The following OPN3 variants were observed in gnomAD, a reference collection of about 807,000 sequenced individuals.
OPN3 encodes opsin 3.
In OPN3, 29 loss-of-function variants were observed where a neutral mutation model predicts 33.8. That is an observed-to-expected ratio of 0.86 (90% CI 0.64 to 1.17). The LOEUF is 1.17. Ranked by LOEUF, OPN3 falls within the 50% of genes most tolerant of loss-of-function variation. OPN3 has a pLI of 0.00. For missense variants in OPN3, 437 were observed against 514.1 expected (o/e 0.85, Z 1.45); for synonymous variants, 216 against 216.1 (o/e 1.00, Z 0.00).
In OPN3 at chr1:241,640,097, A is replaced by G; in HGVS notation, c.158T>C (p.Leu53Pro). 6.2e-7 allele frequency: 1 copy of G among 1,607,486 alleles called. No individual in the cohort carries two copies. The highest frequency in any genetic ancestry group is 8.5e-7 in the Non-Finnish European group (1 of 1,177,466). ...CAGCAGGTTGTTGCCGACGCCCAGC[A>G]GCCCAATGGAGCCCAGCAGCAGCGC... ...RLALLLGSIGLLGVGNNLLVL... is the reference protein window; with the variant it reads ...RLALLLGSIGPLGVGNNLLVL... Residue 53 changes from leucine (L) to proline (P), a missense_variant, in exon 1 of 4, where the codon CTG (leucine) becomes CCG (proline). By Grantham distance (98) the Leu-to-Pro change is moderately conservative. Transcript: ENST00000366554.
chr1:241,606,794 G>A (rs540524009), intron 1 of OPN3, among the ~76,000 whole-genome samples: 14 of 152,198 alleles, frequency 9.2e-5, no homozygotes, highest in African/African-American at 3.4e-4. Context: ...AAATAAGACT[G>A]GTCTCCTGAG....
At chr1:241,628,877 C>A (rs1558445294) in intron 1 of OPN3, 1 of 152,516 alleles carries the variant, frequency 6.6e-6, no homozygotes, top group East Asian at 1.9e-4. Context: ...ACCAATTAAT[C>A]TTTTATTTTT....
At chr1:241,633,830 T>A (rs781765555) in intron 1 of OPN3, 7 of 1,613,782 alleles carry the variant, frequency 4.3e-6, no homozygotes, top group African/African-American at 1.3e-5. Flanking sequence ...GCTTTCTAGG[T>A]TTTTGCTTTC....
intron 1 of OPN3, among the ~76,000 whole-genome samples, chr1:241,609,872 T>C (rs972562528): frequency 2.6e-5 from 4 of 152,190 alleles, no homozygotes; most frequent in Non-Finnish European, 5.9e-5. Context: ...CTACAGGGGA[T>C]GGCGCAAAGC....
chr1:241,635,452 G>A, intron 1 of OPN3: 1 of 1,613,804 alleles, frequency 6.2e-7, no homozygotes, highest in Middle Eastern at 1.6e-4. Flanking sequence ...TATCCTGACT[G>A]GCGTAGCAAA....
In OPN3 at chr1:241,635,139, C is replaced by T. The variant is rs780533014; in HGVS notation, c.373+4743G>A. 100 of 1,612,704 alleles carry T rather than the reference C, an allele frequency of 6.2e-5. 1 individual carries two copies. The South Asian group carries it at 9.8e-4, about 16-fold the overall frequency. On this transcript the variant is annotated intron_variant, in intron 1 of 3. Transcript: ENST00000366554. Reference sequence around the variant, plus strand: ...GTAATCCTATTTCTAATTGGTTCATCGGCCTTATCTTCTACTGTAGATTTG... The same window carrying T: ...GTAATCCTATTTCTAATTGGTTCATTGGCCTTATCTTCTACTGTAGATTTG...
chr1:241,594,545 C>A lies in OPN3; in HGVS notation c.1092G>T (p.Val364=). The change falls in exon 4 of 4, where the codon GTG becomes GTT. Residue 364 remains valine, a synonymous_variant. Coordinates refer to ENST00000366554, the MANE Select transcript of OPN3 (RefSeq NM_014322.3). Reference sequence around the variant, plus strand: ...AAATGATGGAAGAAGAGTTGAAAGTCACTTTTTTCTTTGGCCTGTCCCCAT... The same window carrying A: ...AAATGATGGAAGAAGAGTTGAAAGTAACTTTTTTCTTTGGCCTGTCCCCAT... ...QKDGDRPKKK[V]TFNSSSIIFI... 2 of 1,614,108 alleles carry A rather than the reference C, an allele frequency of 1.2e-6. No homozygotes were observed. Among genetic ancestry groups the A allele is most frequent in the Non-Finnish European group, 1.7e-6 (2 of 1,179,990 alleles).
rs766116331 is a variant in OPN3, at chr1:241,604,543, T to C, written c.410A>G (p.Tyr137Cys). The part of the protein sequence containing the change: ...VSIATLTVLA[Y>C]ERYIRVVHAR... ...ATGGACCACGCGAATGTAACGTTCATAGGCCAGCACGGTTAGGGTGGCAAT... is the reference window on the plus strand; with the variant it reads ...ATGGACCACGCGAATGTAACGTTCACAGGCCAGCACGGTTAGGGTGGCAAT... Residue 137 changes from tyrosine (Y) to cysteine (C), a missense_variant, in exon 2 of 4, where the codon TAT becomes TGT. Transcript: ENST00000366554. 6 of 1,613,906 alleles carry C rather than the reference T, an allele frequency of 3.7e-6. No homozygotes were observed. Among genetic ancestry groups the C allele is most frequent in the South Asian group, 2.2e-5 (2 of 91,072 alleles).
intron 1 of OPN3, among the ~76,000 whole-genome samples, chr1:241,619,029 A>T (rs1324159092): frequency 2.0e-5 from 3 of 152,020 alleles, no homozygotes; most frequent in Non-Finnish European, 4.4e-5. Flanking sequence ...GCAAGGAGAC[A>T]GTACATACTT....
At chr1:241,605,369 G>A (rs1235221605) in intron 1 of OPN3, among the ~76,000 whole-genome samples, 1 of 152,200 alleles carries the variant, frequency 6.6e-6, no homozygotes, top group Non-Finnish European at 1.5e-5. Context: ...ACTACCAGCA[G>A]ATGTCAGCAT....
intron 1 of OPN3, among the ~76,000 whole-genome samples, chr1:241,628,359 A>G (rs959747726): frequency 2.6e-5 from 4 of 152,124 alleles, no homozygotes; most frequent in African/African-American, 9.7e-5. Flanking sequence ...AATAATGCCA[A>G]TTCATAACCC....
At chr1:241,622,412 CAGAAG>C (rs1264971911) in intron 1 of OPN3, among the ~76,000 whole-genome samples, 1 of 152,052 alleles carries the variant, frequency 6.6e-6, no homozygotes, top group African/African-American at 2.4e-5. Context: ...AAATACTCAC[CAGAAG>C]AGAAATTAAA....
intron 1 of OPN3, among the ~76,000 whole-genome samples, chr1:241,606,937 C>T (rs1663848448): frequency 6.6e-6 from 1 of 152,118 alleles, no homozygotes; most frequent in Admixed American, 6.5e-5. Context: ...AATTGAAAAT[C>T]CCTTCATATT....
At chr1:241,637,512 G>C (rs1350474973) in intron 1 of OPN3, among the ~76,000 whole-genome samples, 1 of 152,232 alleles carries the variant, frequency 6.6e-6, no homozygotes, top group African/African-American at 2.4e-5. Context: ...TGAAGATGGA[G>C]ACTGAATCTA....
intron 1 of OPN3, among the ~76,000 whole-genome samples, chr1:241,623,077 T>TA (rs769376777): frequency 2.1e-4 from 30 of 140,158 alleles, no homozygotes; most frequent in Non-Finnish European, 3.9e-4. Flanking sequence ...CTAGAAATCT[T>TA]AAAAAAACAA....
chr1:241,612,691 T>C (rs529555095), intron 1 of OPN3, among the ~76,000 whole-genome samples: 32 of 152,322 alleles, frequency 2.1e-4, no homozygotes, highest in African/African-American at 7.2e-4. Flanking sequence ...TTGAACATTA[T>C]ATAATGTTAA....
chr1:241,626,617 C>T (rs370944828), intron 1 of OPN3, among the ~76,000 whole-genome samples: 33 of 152,174 alleles, frequency 2.2e-4, no homozygotes, highest in African/African-American at 6.3e-4. Context: ...CTCAGCCATA[C>T]ATTCCCCCAA....
chr1:241,597,017 C>T (rs527605763), intron 3 of OPN3, among the ~76,000 whole-genome samples: 2 of 151,576 alleles, frequency 1.3e-5, no homozygotes, highest in East Asian at 1.9e-4. Context: ...TTTGAGAGAG[C>T]GGGGCATCTC....
At chr1:241,624,676 G>T (rs185203710) in intron 1 of OPN3, among the ~76,000 whole-genome samples, 22 of 152,284 alleles carry the variant, frequency 1.4e-4, no homozygotes, top group African/African-American at 4.8e-4. Context: ...TCACAGAGCT[G>T]CTTTAAAAAT....
Sources: allele counts gnomAD v4.1 joint callset (sites outside exome capture counted in the v4.1 genomes callset), GRCh38; gene constraint gnomAD v4.1.1; transcripts MANE v1.5; gene names NCBI Gene and HGNC (gene_info 2026-07-23, HGNC 2026-07-21).